CDH13: variants seen among roughly 807,000 people sequenced by gnomAD.
CDH13 encodes the protein cadherin 13.
Under a neutral mutation model 63.8 loss-of-function variants are expected in CDH13, and 24 were observed. The ratio of observed to expected loss-of-function variants is 0.38; its 90% CI spans 0.27 to 0.53. The LOEUF (loss-of-function observed/expected upper bound fraction) is 0.53, where lower values mean the gene tolerates loss of function less well. CDH13 is among the 20% of genes least tolerant of loss of function. The pLI, the probability that CDH13 is intolerant of heterozygous loss-of-function variation, is 0.85. For synonymous variants in CDH13, 503 were observed against 355.3 expected (o/e 1.42, Z -4.67); for missense variants, 1,049 against 903.1 (o/e 1.16, Z -2.07).
chr16:82,942,670 A>T (rs778821678), intron 2 of CDH13, among the ~76,000 whole-genome samples: 2 of 152,182 alleles, frequency 1.3e-5, no homozygotes, highest in Non-Finnish European at 2.9e-5. Flanking sequence ...TGGAATAGAT[A>T]ACAACAATAA....
At chr16:82,977,261 G>C (rs1023642810) in intron 2 of CDH13, among the ~76,000 whole-genome samples, 1 of 152,120 alleles carries the variant, frequency 6.6e-6, no homozygotes, top group African/African-American at 2.4e-5. Flanking sequence ...ACTGGGATGA[G>C]TAAGGCAGCC....
At chr16:83,075,853 A>G (rs1484329981) in intron 3 of CDH13, among the ~76,000 whole-genome samples, 1 of 152,198 alleles carries the variant, frequency 6.6e-6, no homozygotes, top group Non-Finnish European at 1.5e-5. Flanking sequence ...CAAATCAGTT[A>G]AAGCTCTTTG....
At chr16:83,459,685 T>C (rs1310133046) in intron 6 of CDH13, among the ~76,000 whole-genome samples, 1 of 152,190 alleles carries the variant, frequency 6.6e-6, no homozygotes, top group Non-Finnish European at 1.5e-5. Context: ...ATGTAAATGC[T>C]AAAGGTAAAA....
At chr16:83,420,143 G>C (rs981010689) in intron 6 of CDH13, among the ~76,000 whole-genome samples, 5 of 152,112 alleles carry the variant, frequency 3.3e-5, no homozygotes, top group Non-Finnish European at 7.4e-5. Flanking sequence ...CATAGAGCTA[G>C]GTTCCATAGA....
At chr16:83,376,451 A>G (rs975361716) in intron 6 of CDH13, among the ~76,000 whole-genome samples, 2 of 152,238 alleles carry the variant, frequency 1.3e-5, no homozygotes, top group Non-Finnish European at 2.9e-5. Flanking sequence ...GAACAGACGC[A>G]GGACAGAAAT....
At chr16:83,503,557 T>A (rs565537284) in intron 7 of CDH13, among the ~76,000 whole-genome samples, 3 of 152,180 alleles carry the variant, frequency 2.0e-5, no homozygotes, top group African/African-American at 7.2e-5. Context: ...CCATTCCTTT[T>A]CCTGGGGTGG....
rs144592396 is a variant in CDH13 at position 82,819,473 on chromosome 16, G to A, written c.46-38889G>A. Among the ~76,000 whole-genome samples the A allele has an allele frequency of 1.2e-4, 18 of 152,284 alleles. No homozygotes were observed. The East Asian group carries it at 3.3e-3, about 28-fold the overall frequency. ...AAGCTTCTAAGCTGCCTGTCCCACT[G>A]TTCCTCCAGCTCTTTTGTCCCAGGC... On this transcript the variant is annotated intron_variant, in intron 1 of 13. Transcript: ENST00000567109.
At chr16:82,816,492 A>T (rs2037717579) in intron 1 of CDH13, among the ~76,000 whole-genome samples, 1 of 152,152 alleles carries the variant, frequency 6.6e-6, no homozygotes, top group South Asian at 2.1e-4. Flanking sequence ...AACAGTTGTA[A>T]CTTCCATAGT....
At chr16:83,067,496 TA>T (rs1303491800) in intron 3 of CDH13, among the ~76,000 whole-genome samples, 1 of 152,162 alleles carries the variant, frequency 6.6e-6, no homozygotes, top group Admixed American at 6.5e-5. Context: ...CAAGAAATGA[TA>T]GGAAACAAAC....
intron 6 of CDH13, among the ~76,000 whole-genome samples, chr16:83,349,581 C>CATTATT (rs59255073): frequency 3.0e-4 from 44 of 145,056 alleles, no homozygotes; most frequent in African/African-American, 5.3e-4. Flanking sequence ...ACTTGAGGTG[C>CATTATT]ATTATTATTA....
chr16:83,457,872 A>G (rs1177229396), intron 6 of CDH13, among the ~76,000 whole-genome samples: 2 of 152,142 alleles, frequency 1.3e-5, no homozygotes, highest in Admixed American at 6.6e-5. Context: ...ATGGCACCCT[A>G]AATTTGCATT....
intron 1 of CDH13, among the ~76,000 whole-genome samples, chr16:82,721,718 G>C (rs969592355): frequency 6.6e-6 from 1 of 152,166 alleles, no homozygotes; most frequent in Non-Finnish European, 1.5e-5. Flanking sequence ...CCATGATAGA[G>C]AGTTCAGATT....
chr16:83,207,704 A>G (rs900318302), intron 4 of CDH13, among the ~76,000 whole-genome samples: 1 of 151,942 alleles, frequency 6.6e-6, no homozygotes, highest in Admixed American at 6.6e-5. Flanking sequence ...TTAGTATATA[A>G]TTATTTGGAA....
intron 4 of CDH13, among the ~76,000 whole-genome samples, chr16:83,132,043 CTG>C (rs1390169025): frequency 6.6e-6 from 1 of 152,322 alleles, no homozygotes. Flanking sequence ...TCCAGATACT[CTG>C]TACCTGAGAT....
chr16:82,952,479 C>G (rs1055109380), intron 2 of CDH13, among the ~76,000 whole-genome samples: 1 of 152,176 alleles, frequency 6.6e-6, no homozygotes, highest in Non-Finnish European at 1.5e-5. Context: ...AGTGATGGCT[C>G]TAATGTGAGT....
At chr16:83,622,414 G>A (rs2150779712) in intron 8 of CDH13, among the ~76,000 whole-genome samples, 1 of 152,320 alleles carries the variant, frequency 6.6e-6, no homozygotes. Context: ...CCTTCATCAG[G>A]AGACTCGGAC....
At chr16:83,240,819 C>G (rs952074755) in intron 5 of CDH13, among the ~76,000 whole-genome samples, 4 of 142,424 alleles carry the variant, frequency 2.8e-5, no homozygotes, top group Non-Finnish European at 6.0e-5. Flanking sequence ...GTCTCAGTCC[C>G]CCAAGAAGCT....
intron 4 of CDH13, among the ~76,000 whole-genome samples, chr16:83,215,634 C>CG (rs1444168228): frequency 1.6e-5 from 2 of 128,060 alleles, no homozygotes; most frequent in Non-Finnish European, 3.2e-5. Context: ...GCTAAAGTGG[C>CG]GGGGGTGGTG....
chr16:82,873,486 G>A (rs2040409452), intron 2 of CDH13, among the ~76,000 whole-genome samples: 3 of 152,084 alleles, frequency 2.0e-5, no homozygotes, highest in East Asian at 3.9e-4. Flanking sequence ...AGACTGGGGT[G>A]TCCTTGATAG....
Sources: allele counts gnomAD v4.1 joint callset (sites outside exome capture counted in the v4.1 genomes callset), GRCh38; gene constraint gnomAD v4.1.1; transcripts MANE v1.5; gene names NCBI Gene and HGNC (gene_info 2026-07-23, HGNC 2026-07-21).